Variants in PCDH9 observed in about 807,000 individuals in gnomAD.
PCDH9 encodes the protein protocadherin 9, also known as protocadherin-9.
PCDH9 carries 24 observed loss-of-function variants against 70.6 expected under a neutral mutation model. That is an observed-to-expected ratio of 0.34 (90% CI 0.25 to 0.48). The LOEUF is 0.48. PCDH9 is among the 20% of genes least tolerant of loss of function. The pLI, the probability that PCDH9 is intolerant of heterozygous loss-of-function variation, is 0.99. For missense variants in PCDH9, 1,281 were observed against 1,503.6 expected (o/e 0.85, Z 2.45); for synonymous variants, 562 against 558.5 (o/e 1.01, Z -0.09).
intron 2 of PCDH9, chr13:67,208,143 C>T (rs1323711836): frequency 6.6e-6 from 1 of 152,190 alleles, no homozygotes; most frequent in Non-Finnish European, 1.5e-5. Context: ...ACAGAATTTT[C>T]TTTATCTGTC....
intron 4 of PCDH9, among the ~76,000 whole-genome samples, chr13:66,503,646 AATG>A (rs1566375235): frequency 1.3e-5 from 2 of 152,162 alleles, no homozygotes; most frequent in African/African-American, 4.8e-5. Flanking sequence ...TTGCAAAGAG[AATG>A]ATAAGAATAT....
At chr13:66,442,450 A>G (rs1957991875) in intron 4 of PCDH9, among the ~76,000 whole-genome samples, 1 of 152,118 alleles carries the variant, frequency 6.6e-6, no homozygotes, top group Admixed American at 6.6e-5. Context: ...TGCAAAAATG[A>G]TTTGTTCCTC....
intron 3 of PCDH9, among the ~76,000 whole-genome samples, chr13:66,874,487 T>A (rs930002509): frequency 1.3e-5 from 2 of 152,188 alleles, no homozygotes; most frequent in African/African-American, 4.8e-5. Flanking sequence ...TTCATGGATC[T>A]TTACCACAGT....
intron 2 of PCDH9, among the ~76,000 whole-genome samples, chr13:66,989,430 C>A (rs73505399): frequency 6.6e-6 from 1 of 151,852 alleles, no homozygotes; most frequent in Admixed American, 6.6e-5. Context: ...ATCTTTCCAA[C>A]GATTTGCTTC....
At chr13:66,567,855 C>T (rs763204075) in intron 4 of PCDH9, among the ~76,000 whole-genome samples, 4 of 152,070 alleles carry the variant, frequency 2.6e-5, no homozygotes, top group Non-Finnish European at 5.9e-5. Flanking sequence ...TTCTGATGTA[C>T]AATTTACTTC....
intron 4 of PCDH9, among the ~76,000 whole-genome samples, chr13:66,619,616 A>G (rs1262917091): frequency 6.6e-6 from 1 of 152,122 alleles, no homozygotes; most frequent in Non-Finnish European, 1.5e-5. Flanking sequence ...TAATTTTGTA[A>G]ATTAAGCCTG....
intron 4 of PCDH9, among the ~76,000 whole-genome samples, chr13:66,407,838 T>C (rs932330407): frequency 6.6e-6 from 1 of 152,212 alleles, no homozygotes; most frequent in African/African-American, 2.4e-5. Context: ...CTGATGGCTC[T>C]CTTTACACCT....
At chr13:66,908,484 T>A (rs576832386) in intron 2 of PCDH9, among the ~76,000 whole-genome samples, 1 of 152,280 alleles carries the variant, frequency 6.6e-6, no homozygotes, top group Admixed American at 6.5e-5. Context: ...TTCCAAAATA[T>A]TTTCTCAGAC....
chr13:66,342,448 T>A (rs554548256), intron 4 of PCDH9, among the ~76,000 whole-genome samples: 2 of 152,316 alleles, frequency 1.3e-5, no homozygotes, highest in South Asian at 4.1e-4. Flanking sequence ...AGACATTACA[T>A]GTATTGAGGA....
At chr13:66,724,742 G>C (rs569177020) in intron 3 of PCDH9, among the ~76,000 whole-genome samples, 1 of 152,178 alleles carries the variant, frequency 6.6e-6, no homozygotes, top group East Asian at 1.9e-4. Flanking sequence ...TTCACTTCTA[G>C]TTAGCCTATC....
chr13:66,774,037 C>T (rs2079852193), intron 3 of PCDH9, among the ~76,000 whole-genome samples: 1 of 152,118 alleles, frequency 6.6e-6, no homozygotes, highest in Non-Finnish European at 1.5e-5. Context: ...CTCAGCCTCC[C>T]AAACTGCTGG....
chr13:67,044,346 A>T, intron 2 of PCDH9, among the ~76,000 whole-genome samples: 1 of 152,184 alleles, frequency 6.6e-6, no homozygotes, highest in East Asian at 1.9e-4. Flanking sequence ...AGGCTAGAAA[A>T]AGAAGAGACA....
At chr13:66,342,656 T>C (rs1956148633) in intron 4 of PCDH9, among the ~76,000 whole-genome samples, 1 of 152,136 alleles carries the variant, frequency 6.6e-6, no homozygotes, top group Admixed American at 6.6e-5. Context: ...GGAGTCTCTC[T>C]CTGTCACCCA....
intron 3 of PCDH9, among the ~76,000 whole-genome samples, chr13:66,787,353 C>T (rs781733317): frequency 3.0e-4 from 46 of 152,168 alleles, no homozygotes; most frequent in Non-Finnish European, 5.3e-4. Flanking sequence ...TGGTGGCTCA[C>T]GCTTGTAATC....
intron 3 of PCDH9, among the ~76,000 whole-genome samples, chr13:66,783,278 C>T (rs2080028541): frequency 6.6e-6 from 1 of 151,964 alleles, no homozygotes; most frequent in Non-Finnish European, 1.5e-5. Flanking sequence ...TTTCATAATT[C>T]ACATTCTATA....
At chr13:66,671,180 G>T (rs2078170535) in intron 3 of PCDH9, among the ~76,000 whole-genome samples, 1 of 152,114 alleles carries the variant, frequency 6.6e-6, no homozygotes. Context: ...TTCGCCTTCT[G>T]CCACGATGGT....
At chr13:66,923,952 G>A (rs965387131) in intron 2 of PCDH9, among the ~76,000 whole-genome samples, 14 of 151,790 alleles carry the variant, frequency 9.2e-5, no homozygotes, top group East Asian at 3.9e-4. Flanking sequence ...TTTAAAAACC[G>A]TTTAAAGATA....
intron 2 of PCDH9, among the ~76,000 whole-genome samples, chr13:67,186,881 T>G (rs1458694180): frequency 6.6e-6 from 1 of 152,100 alleles, no homozygotes; most frequent in African/African-American, 2.4e-5. Flanking sequence ...GCTGTTAACA[T>G]CTACAAAAAA....
chr13:66,404,924 T>A (rs1205822322), intron 4 of PCDH9, among the ~76,000 whole-genome samples: 1 of 152,200 alleles, frequency 6.6e-6, no homozygotes, highest in Non-Finnish European at 1.5e-5. Context: ...AGATTCATAA[T>A]CCATCCTCTT....
Sources: gnomAD v4.1 joint callset for allele counts (sites outside exome capture counted in the v4.1 genomes callset) on GRCh38, gnomAD v4.1.1 for gene constraint, MANE v1.5 for transcripts, NCBI Gene and HGNC (gene_info 2026-07-23, HGNC 2026-07-21) for gene names.